Variants in GSK3B observed in about 807,000 individuals in gnomAD.
The protein encoded by GSK3B is glycogen synthase kinase 3 beta, also known as glycogen synthase kinase-3 beta.
GSK3B carries 15 observed loss-of-function variants against 56.4 expected under a neutral mutation model. The observed-to-expected ratio is 0.27, with a 90% CI of 0.18 to 0.41. The LOEUF (loss-of-function observed/expected upper bound fraction) is 0.41, where lower values mean the gene tolerates loss of function less well. GSK3B is among the 10% of genes least tolerant of loss of function. The pLI is 1.00. For synonymous variants in GSK3B, 181 were observed against 188.9 expected, an observed-to-expected ratio of 0.96 and a Z score of 0.34; for missense variants, 300 against 513.4, an observed-to-expected ratio of 0.58 and a Z score of 4.02.
intron 1 of GSK3B, among the ~76,000 whole-genome samples, chr3:120,092,482 C>T (rs916423852): frequency 1.3e-5 from 2 of 152,186 alleles, no homozygotes; most frequent in African/African-American, 4.8e-5. Context: ...TGCAGTAGCA[C>T]TCCAAAATTG....
At chr3:119,926,354 A>ACACC (rs1553734584) in intron 3 of GSK3B, among the ~76,000 whole-genome samples, 13 of 140,822 alleles carry the variant, frequency 9.2e-5, no homozygotes, top group African/African-American at 3.2e-4. Context: ...ACACACACAC[A>ACACC]CCCCTATACC....
chr3:120,073,219 T>TAAAA (rs972347264), intron 1 of GSK3B, among the ~76,000 whole-genome samples: 4 of 70,616 alleles, frequency 5.7e-5, no homozygotes, highest in Non-Finnish European at 5.6e-5. Flanking sequence ...CAAAAAAAAT[T>TAAAA]AAAAAAAAAA....
At chr3:120,001,426 C>T (rs986634327) in intron 2 of GSK3B, among the ~76,000 whole-genome samples, 4 of 152,162 alleles carry the variant, frequency 2.6e-5, no homozygotes, top group Non-Finnish European at 4.4e-5. Flanking sequence ...TTCATGCTCT[C>T]GCTCAGCTCT....
At position 119,855,817 on chromosome 3, in the gene GSK3B, C is replaced by T. The variant is rs559716878; in HGVS notation, c.1096+7602G>A. On this transcript the variant is annotated intron_variant, in intron 9 of 10. Transcript: ENST00000264235. ...ACACAGGGTGGGGAACATCACACAC[C>T]GGGGCCTGTCGTGCGGTGGGGGGAG... Among the ~76,000 whole-genome samples the T allele has an allele frequency of 9.5e-5, 14 of 147,306 alleles. 1 individual carries two copies. In the East Asian group the frequency reaches 2.7e-3, roughly 29 times the overall value.
At chr3:119,981,600 G>C (rs1431958658) in intron 2 of GSK3B, among the ~76,000 whole-genome samples, 1 of 152,266 alleles carries the variant, frequency 6.6e-6, no homozygotes, top group Non-Finnish European at 1.5e-5. Flanking sequence ...TGCTAGCGCA[G>C]TAGTCTGAGA....
At chr3:119,964,189 A>C (rs1447784006) in intron 2 of GSK3B, among the ~76,000 whole-genome samples, 1 of 152,202 alleles carries the variant, frequency 6.6e-6, no homozygotes, top group African/African-American at 2.4e-5. Context: ...AAATAAGCAA[A>C]GGACTGGAAT....
At chr3:120,076,591 G>A (rs934018831) in intron 1 of GSK3B, among the ~76,000 whole-genome samples, 28 of 152,026 alleles carry the variant, frequency 1.8e-4, no homozygotes, top group Admixed American at 1.4e-3. Flanking sequence ...CGAGACGGGC[G>A]GATCACGAGG....
intron 7 of GSK3B, among the ~76,000 whole-genome samples, chr3:119,897,793 C>CAAAAAAAAAAAAAAAAAAAA: frequency 1.4e-5 from 1 of 73,140 alleles, no homozygotes; most frequent in South Asian, 4.9e-4. Context: ...GACTCTGTCT[C>CAAAAAAAAAAAAAAAAAAAA]AAAAAAAAAA....
At chr3:120,041,130 A>T (rs1259625026) in intron 1 of GSK3B, 6 of 163,564 alleles carry the variant, frequency 3.7e-5, no homozygotes, top group Non-Finnish European at 8.0e-5. Context: ...CACCATGTAA[A>T]GGGTGGCTCT....
intron 1 of GSK3B, among the ~76,000 whole-genome samples, chr3:120,054,013 C>T (rs2058172667): frequency 6.6e-6 from 1 of 152,140 alleles, no homozygotes; most frequent in Non-Finnish European, 1.5e-5. Context: ...TAGAACAGGG[C>T]TGTTGCTATT....
At chr3:120,041,659 TA>T (rs1392780831) in intron 1 of GSK3B, 1 of 152,160 alleles carries the variant, frequency 6.6e-6, no homozygotes, top group African/African-American at 2.4e-5. Flanking sequence ...ACAAGAGTTC[TA>T]AATCTAAAAA....
At chr3:120,053,289 A>T (rs2058165747) in intron 1 of GSK3B, among the ~76,000 whole-genome samples, 1 of 152,162 alleles carries the variant, frequency 6.6e-6, no homozygotes, top group African/African-American at 2.4e-5. Flanking sequence ...GTGAGCCCAG[A>T]TCGCGCCACT....
At chr3:119,963,625 C>CAAAAAAAAA (rs774359104) in intron 2 of GSK3B, among the ~76,000 whole-genome samples, 2 of 79,152 alleles carry the variant, frequency 2.5e-5, no homozygotes, top group Non-Finnish European at 5.1e-5. Context: ...TTCTTCCCCA[C>CAAAAAAAAA]AAAAAAAAAA....
intron 7 of GSK3B, among the ~76,000 whole-genome samples, chr3:119,881,771 C>T (rs774714038): frequency 4.6e-5 from 7 of 152,140 alleles, no homozygotes; most frequent in East Asian, 3.8e-4. Flanking sequence ...ATTGTAGCTC[C>T]CCTATTTCCC....
Position 119,828,332 on chromosome 3 carries a change from C to T in GSK3B, c.1196-1477G>A, listed in dbSNP as rs185655758. 1.3e-3 allele frequency among the ~76,000 whole-genome samples: 196 copies of T among 152,320 alleles called. 1 individual carries two copies. Among genetic ancestry groups the T allele is most frequent in the African/African-American group, 4.3e-3 (179 of 41,562 alleles). ...GTTTAGTAGACTGCTGTTTTAGTGG[C>T]TATCAAGTTGCATCCTTGTCATCTC... On this transcript the variant is annotated intron_variant, in intron 10 of 10. Coordinates refer to ENST00000264235, the MANE Select transcript of GSK3B (RefSeq NM_001146156.2).
chr3:119,858,193 A>G (rs184224967), intron 9 of GSK3B, among the ~76,000 whole-genome samples: 1 of 152,326 alleles, frequency 6.6e-6, no homozygotes, highest in Admixed American at 6.5e-5. Flanking sequence ...GTCTTAGCCC[A>G]TAACAAATGA....
At chr3:119,840,711 G>A (rs559379617) in intron 10 of GSK3B, among the ~76,000 whole-genome samples, 1 of 152,158 alleles carries the variant, frequency 6.6e-6, no homozygotes, top group Non-Finnish European at 1.5e-5. Flanking sequence ...CAGCGCCATA[G>A]AAAACTGTTT....
chr3:119,989,514 A>G (rs948605765), intron 2 of GSK3B, among the ~76,000 whole-genome samples: 1 of 151,842 alleles, frequency 6.6e-6, no homozygotes, highest in Admixed American at 6.6e-5. Context: ...GCGTACAGGC[A>G]GGCGCCTGTA....
At chr3:120,091,547 TCTGAAATAAAGCTAATAAATCAATTA>T (rs1161226661) in intron 1 of GSK3B, among the ~76,000 whole-genome samples, 1 of 152,142 alleles carries the variant, frequency 6.6e-6, no homozygotes, top group Non-Finnish European at 1.5e-5. Context: ...ATTACAGATC[TCTGAAATAAAGCTAATAAATCAATTA>T]GCTGAAATAG....
Sources: gnomAD v4.1 joint callset for allele counts (sites outside exome capture counted in the v4.1 genomes callset) on GRCh38, gnomAD v4.1.1 for gene constraint, MANE v1.5 for transcripts, NCBI Gene and HGNC (gene_info 2026-07-23, HGNC 2026-07-21) for gene names.